RAI14: variants seen among roughly 807,000 people sequenced by gnomAD.
The protein encoded by RAI14 is retinoic acid induced 14.
Under a neutral mutation model 115.4 loss-of-function variants are expected in RAI14, and 45 were observed. The observed-to-expected ratio is 0.39, with a 90% confidence interval of 0.31 to 0.50. The LOEUF (loss-of-function observed/expected upper bound fraction) is 0.50, where lower values mean the gene tolerates loss of function less well. RAI14 is among the 20% of genes least tolerant of loss of function. The pLI, the probability that RAI14 is intolerant of heterozygous loss-of-function variation, is 0.85. For synonymous variants in RAI14, 371 were observed against 415.4 expected, an observed-to-expected ratio of 0.89 and a Z score of 1.30; for missense variants, 939 against 1,131.2, an observed-to-expected ratio of 0.83 and a Z score of 2.44.
At chr5:34,739,127 G>A (rs1745195570) in intron 2 of RAI14, among the ~76,000 whole-genome samples, 1 of 152,192 alleles carries the variant, frequency 6.6e-6, no homozygotes, top group African/African-American at 2.4e-5. Context: ...TTTCCCATGG[G>A]TCTTTGAATA....
chr5:34,778,726 AC>A (rs1751216840), intron 3 of RAI14, among the ~76,000 whole-genome samples: 2 of 147,794 alleles, frequency 1.4e-5, no homozygotes, highest in South Asian at 4.3e-4. Context: ...ACACAGTGAG[AC>A]CCCGTTTCTG....
intron 2 of RAI14, among the ~76,000 whole-genome samples, chr5:34,744,812 C>T (rs1745956830): frequency 6.6e-6 from 1 of 152,200 alleles, no homozygotes; most frequent in Non-Finnish European, 1.5e-5. Flanking sequence ...ATTCTCTCAA[C>T]AGAAATGATT....
chr5:34,744,063 G>A (rs996655630), intron 2 of RAI14, among the ~76,000 whole-genome samples: 2 of 152,146 alleles, frequency 1.3e-5, no homozygotes, highest in African/African-American at 4.8e-5. Flanking sequence ...GTAATGTATC[G>A]CTTGGGTGAA....
At chr5:34,735,018 G>C (rs1007656897) in intron 2 of RAI14, among the ~76,000 whole-genome samples, 1 of 152,184 alleles carries the variant, frequency 6.6e-6, no homozygotes, top group African/African-American at 2.4e-5. Flanking sequence ...AAAGATGCTA[G>C]AGGTGGAGCT....
rs1747226661 is a variant in RAI14 at position 34,752,725 on chromosome 5, G to GTATATA, written c.37-4742_37-4741insATATAT. 2.9e-4 allele frequency among the ~76,000 whole-genome samples: 23 copies of GTATATA among 80,352 alleles called. 2 individuals carry two copies. Among genetic ancestry groups the GTATATA allele is most frequent in the African/African-American group, 7.5e-4 (11 of 14,744 alleles). The allele number at this position is 80,352 out of a possible 152,430, so 52.7% of individuals were successfully genotyped here. A position where few individuals can be genotyped will look rare whatever the true frequency, so the allele number is the denominator to read the frequency against. ...TATATGTGTGTGTGTGTGTGTGTGTGTGTGTGTGTGTGTGTGTGTGTGTGT... is the reference window on the plus strand; with the variant it reads ...TATATGTGTGTGTGTGTGTGTGTGTGTATATATGTGTGTGTGTGTGTGTGTGTGTGT... On this transcript the variant is annotated intron_variant, in intron 2 of 17. Transcript: ENST00000265109.
At chr5:34,744,535 T>C in intron 2 of RAI14, among the ~76,000 whole-genome samples, 1 of 152,180 alleles carries the variant, frequency 6.6e-6, no homozygotes, top group East Asian at 1.9e-4. Context: ...CCAGTTGGCT[T>C]GGTTTTTTGG....
intron 2 of RAI14, among the ~76,000 whole-genome samples, chr5:34,690,654 T>A (rs951411963): frequency 6.6e-6 from 1 of 152,224 alleles, no homozygotes; most frequent in Non-Finnish European, 1.5e-5. Flanking sequence ...TGGTAGGGAA[T>A]GAGCCTGACT....
At chr5:34,796,773 A>G (rs921227739) in intron 4 of RAI14, among the ~76,000 whole-genome samples, 19 of 152,124 alleles carry the variant, frequency 1.2e-4, no homozygotes, top group Non-Finnish European at 2.1e-4. Context: ...CAGGGCATCC[A>G]GTTCACCTGG....
chr5:34,752,624 A>T (rs532185326), intron 2 of RAI14, among the ~76,000 whole-genome samples: 68 of 151,696 alleles, frequency 4.5e-4, no homozygotes, highest in African/African-American at 1.6e-3. Flanking sequence ...AGATGGGGTG[A>T]CAGAGCATTC....
At chr5:34,723,943 G>A (rs752024354) in intron 2 of RAI14, among the ~76,000 whole-genome samples, 3 of 151,908 alleles carry the variant, frequency 2.0e-5, no homozygotes, top group Non-Finnish European at 4.4e-5. Context: ...TTTTTGCCTT[G>A]GTGTGACTTT....
In RAI14 at chr5:34,665,189, G is replaced by GTATATA; in HGVS notation, c.-49+8719_-49+8724dup. Reference sequence around the variant, plus strand: ...TATATATATACACACATATATATATGTATATATATACACACACCACAGTTT... The same window carrying GTATATA: ...TATATATATACACACATATATATATGTATATATATATATATACACACACCACAGTTT... On this transcript the variant is annotated intron_variant, in intron 1 of 17. Transcript: ENST00000265109. 1.1e-4 allele frequency among the ~76,000 whole-genome samples: 2 copies of GTATATA among 17,964 alleles called. 1 individual carries two copies. Among genetic ancestry groups the GTATATA allele is most frequent in the African/African-American group, 4.4e-4 (2 of 4,508 alleles). The allele number at this position is 17,964 out of a possible 152,430, so 11.8% of individuals were successfully genotyped here.
chr5:34,789,951 C>T lies in RAI14; in HGVS notation c.168-5988C>T, dbSNP rs1405590070. Among the ~76,000 whole-genome samples, 8 of 152,290 alleles carry T rather than the reference C, an allele frequency of 5.3e-5. No individual in the cohort carries two copies. In the East Asian group the frequency reaches 1.2e-3, roughly 22 times the overall value. ...TATCCTGCTTCTTGTTATACTTTAC[C>T]ATCTGACTAGATGTTTTTGTCCCTC... On this transcript the variant is annotated intron_variant, in intron 3 of 17. Transcript: ENST00000265109.
chr5:34,742,839 A>G (rs1017365600), intron 2 of RAI14, among the ~76,000 whole-genome samples: 5 of 151,786 alleles, frequency 3.3e-5, no homozygotes, highest in Non-Finnish European at 1.5e-5. Context: ...GATTTTTTGT[A>G]TTTTTAGTGG....
At chr5:34,678,492 C>G (rs1453116847) in intron 1 of RAI14, among the ~76,000 whole-genome samples, 1 of 152,126 alleles carries the variant, frequency 6.6e-6, no homozygotes, top group Non-Finnish European at 1.5e-5. Context: ...TGGGTGGACT[C>G]TAATCCAGTA....
At chr5:34,688,879 T>C (rs1738207302) in intron 2 of RAI14, among the ~76,000 whole-genome samples, 1 of 151,836 alleles carries the variant, frequency 6.6e-6, no homozygotes, top group Non-Finnish European at 1.5e-5. Context: ...TCCAGAGGTA[T>C]ACTAAGCTTT....
intron 2 of RAI14, among the ~76,000 whole-genome samples, chr5:34,747,529 C>T (rs1259822635): frequency 6.6e-6 from 1 of 152,160 alleles, no homozygotes; most frequent in Non-Finnish European, 1.5e-5. Context: ...GATAAACACA[C>T]ACATACTCTC....
intron 2 of RAI14, among the ~76,000 whole-genome samples, chr5:34,720,387 T>C (rs992001277): frequency 2.0e-5 from 3 of 151,012 alleles, no homozygotes; most frequent in African/African-American, 7.3e-5. Flanking sequence ...AGTCATTCTA[T>C]GACCCTGTCT....
chr5:34,704,501 A>G (rs1740445603), intron 2 of RAI14, among the ~76,000 whole-genome samples: 1 of 152,236 alleles, frequency 6.6e-6, no homozygotes, highest in Non-Finnish European at 1.5e-5. Flanking sequence ...CTACTTAACT[A>G]TCTTTAAACC....
intron 1 of RAI14, among the ~76,000 whole-genome samples, chr5:34,684,289 G>T (rs1490628680): frequency 6.6e-6 from 1 of 152,090 alleles, no homozygotes; most frequent in East Asian, 1.9e-4. Context: ...GGAAGTTCCT[G>T]GGCTCTACCC....
Sources: gnomAD v4.1 joint callset for allele counts (sites outside exome capture counted in the v4.1 genomes callset) on GRCh38, gnomAD v4.1.1 for gene constraint, MANE v1.5 for transcripts, NCBI Gene and HGNC (gene_info 2026-07-23, HGNC 2026-07-21) for gene names.